Variants in STAU2 observed in about 807,000 individuals in gnomAD.
STAU2 encodes the protein staufen double-stranded RNA binding protein 2.
In STAU2, 20 loss-of-function variants were observed where a neutral mutation model predicts 65.9. That is an observed-to-expected ratio of 0.30 (90% CI 0.21 to 0.44). The LOEUF (loss-of-function observed/expected upper bound fraction) is 0.44. Ranked by LOEUF, STAU2 falls within the 20% of genes least tolerant of loss-of-function variation. The pLI is 1.00. For synonymous variants in STAU2, 232 were observed against 233.9 expected (o/e 0.99, Z 0.07); for missense variants, 558 against 683.9 (o/e 0.82, Z 2.05).
intron 3 of STAU2, among the ~76,000 whole-genome samples, chr8:73,732,189 G>A (rs1806117307): frequency 6.6e-6 from 1 of 152,198 alleles, no homozygotes; most frequent in Non-Finnish European, 1.5e-5. Context: ...CTTGTTGGCT[G>A]TTGGCAGGAG....
At chr8:73,639,773 A>G (rs1169045752) in intron 6 of STAU2, among the ~76,000 whole-genome samples, 1 of 152,178 alleles carries the variant, frequency 6.6e-6, no homozygotes, top group Non-Finnish European at 1.5e-5. Context: ...CCCAAACCAT[A>G]AAATTTGCAA....
intron 6 of STAU2, chr8:73,651,307 C>A: frequency 1.5e-6 from 1 of 676,790 alleles, no homozygotes; most frequent in Admixed American, 2.0e-5. Context: ...CAGCCTTCAC[C>A]ACGGAGCAGG....
chr8:73,650,251 G>T (rs139557498), intron 6 of STAU2, among the ~76,000 whole-genome samples: 13 of 151,636 alleles, frequency 8.6e-5, no homozygotes, highest in African/African-American at 3.1e-4. Context: ...ATGAAACCTT[G>T]GAAATCATTT....
At chr8:73,531,178 C>T (rs1328361123) in intron 13 of STAU2, among the ~76,000 whole-genome samples, 2 of 152,162 alleles carry the variant, frequency 1.3e-5, no homozygotes, top group African/African-American at 4.8e-5. Context: ...GATCAGTGTA[C>T]ACTGTCCCTC....
At chr8:73,546,630 C>A (rs927867012) in intron 13 of STAU2, among the ~76,000 whole-genome samples, 4 of 152,084 alleles carry the variant, frequency 2.6e-5, no homozygotes, top group Non-Finnish European at 5.9e-5. Flanking sequence ...ATGCAAAAAT[C>A]TTTTACATGC....
At chr8:73,717,309 G>A (rs1246103565) in intron 3 of STAU2, among the ~76,000 whole-genome samples, 1 of 150,992 alleles carries the variant, frequency 6.6e-6, no homozygotes, top group Non-Finnish European at 1.5e-5. Context: ...TTTATAGTTT[G>A]TACTTTTAAT....
intron 7 of STAU2, 63 bp from the exon 8 acceptor site, chr8:73,615,845 TAC>T: frequency 8.1e-7 from 1 of 1,241,262 alleles, no homozygotes; most frequent in Non-Finnish European, 1.2e-6. Context: ...ACTTTTATTC[TAC>T]AGTCAAGATG....
At chr8:73,508,411 C>G (rs1442280050) in intron 13 of STAU2, among the ~76,000 whole-genome samples, 1 of 152,088 alleles carries the variant, frequency 6.6e-6, no homozygotes, top group African/African-American at 2.4e-5. Flanking sequence ...GCAGTGAGAA[C>G]ACACAGAACA....
At chr8:73,677,021 T>C (rs965491205) in intron 5 of STAU2, among the ~76,000 whole-genome samples, 1 of 152,158 alleles carries the variant, frequency 6.6e-6, no homozygotes, top group Admixed American at 6.5e-5. Flanking sequence ...CAGTAAAAAG[T>C]AGAAAAAATT....
At chr8:73,707,490 T>C (rs1245624929) in intron 4 of STAU2, among the ~76,000 whole-genome samples, 2 of 152,140 alleles carry the variant, frequency 1.3e-5, no homozygotes, top group Non-Finnish European at 2.9e-5. Flanking sequence ...CAATCATCTA[T>C]TTAAGTGTTG....
At chr8:73,423,807 C>T (rs1282688518) in intron 13 of STAU2, among the ~76,000 whole-genome samples, 1 of 152,122 alleles carries the variant, frequency 6.6e-6, no homozygotes, top group African/African-American at 2.4e-5. Context: ...TTCCCATATT[C>T]TTCCCTCCCC....
intron 4 of STAU2, 137 bp downstream of exon 4, chr8:73,708,892 AAAT>A: frequency 1.4e-6 from 1 of 706,230 alleles, no homozygotes; most frequent in Non-Finnish European, 2.0e-6. Context: ...ACATACTTTG[AAAT>A]ATTATTAATG....
At chr8:73,622,342 C>G (rs534846438) in intron 6 of STAU2, among the ~76,000 whole-genome samples, 6 of 152,038 alleles carry the variant, frequency 3.9e-5, no homozygotes, top group South Asian at 2.1e-4. Context: ...TAGCCAGGAT[C>G]GTCTCAATCT....
At chr8:73,723,556 T>A (rs113613712) in intron 3 of STAU2, among the ~76,000 whole-genome samples, 541 of 152,176 alleles carry the variant, frequency 3.6e-3, no homozygotes, top group Middle Eastern at 6.8e-3. Flanking sequence ...GCTCACTGAC[T>A]TTTTTTTCTT....
chr8:73,616,115 A>C (rs1812818513), intron 7 of STAU2, among the ~76,000 whole-genome samples: 1 of 151,876 alleles, frequency 6.6e-6, no homozygotes. Context: ...CCCAACACCC[A>C]GGAATTCCCC....
chr8:73,500,335 G>A (rs1045038595), intron 13 of STAU2, among the ~76,000 whole-genome samples: 2 of 151,846 alleles, frequency 1.3e-5, no homozygotes, highest in African/African-American at 4.8e-5. Context: ...CGTTGGTGTG[G>A]ATTCAACATA....
intron 6 of STAU2, among the ~76,000 whole-genome samples, chr8:73,627,450 T>C (rs954745236): frequency 1.3e-5 from 2 of 152,112 alleles, no homozygotes; most frequent in Non-Finnish European, 2.9e-5. Flanking sequence ...AGGGGCCTTC[T>C]TCCCTGTTTG....
At chr8:73,488,612 A>T (rs1281345850) in intron 13 of STAU2, among the ~76,000 whole-genome samples, 1 of 151,932 alleles carries the variant, frequency 6.6e-6, no homozygotes, top group East Asian at 1.9e-4. Context: ...TCAGTTACTT[A>T]AACTGTTTTT....
rs1816765984 is a variant in STAU2, at chr8:73,660,661, T to C, written c.410+12446A>G. The stretch of plus-strand genomic sequence containing the variant: ...AGCTAGACAAGGCAGAAGAGGTATG[T>C]GTATAAAATGCTGCATATAATTACA... On this transcript the variant is annotated intron_variant, in intron 6 of 14. Coordinates refer to ENST00000524300, the MANE Select transcript of STAU2 (RefSeq NM_001164380.2). Among the ~76,000 whole-genome samples the C allele has an allele frequency of 1.3e-5, 2 of 152,300 alleles. 1 individual carries two copies. The highest frequency in any genetic ancestry group is 4.1e-4 in the South Asian group (2 of 4,824).
Sources: gnomAD v4.1 joint callset for allele counts (sites outside exome capture counted in the v4.1 genomes callset) on GRCh38, gnomAD v4.1.1 for gene constraint, MANE v1.5 for transcripts, NCBI Gene and HGNC (gene_info 2026-07-23, HGNC 2026-07-21) for gene names.